TOP3A: variants seen among roughly 807,000 people sequenced by gnomAD.
TOP3A encodes the protein DNA topoisomerase 3-alpha.
TOP3A carries 64 observed loss-of-function variants against 111.3 expected under a neutral mutation model. That is an observed-to-expected ratio of 0.57 (90% CI 0.47 to 0.71). The LOEUF is 0.71. TOP3A is among the 30% of genes least tolerant of loss of function. TOP3A has a pLI of 0.00. For synonymous variants in TOP3A, 484 were observed against 485.1 expected, an observed-to-expected ratio of 1.00 and a Z score of 0.03; for missense variants, 1,104 against 1,285.0, an observed-to-expected ratio of 0.86 and a Z score of 2.15.
chr17:18,290,815 C>T (rs759352600), intron 12 of TOP3A, 27 bp downstream of exon 12: 3 of 1,609,568 alleles, frequency 1.9e-6, no homozygotes, highest in African/African-American at 1.3e-5. Flanking sequence ...ACTGTCCTCC[C>T]TCTCACTGGG....
intron 13 of TOP3A, among the ~76,000 whole-genome samples, chr17:18,289,718 A>G (rs1339643933): frequency 1.3e-5 from 2 of 152,222 alleles, no homozygotes; most frequent in Non-Finnish European, 2.9e-5. Flanking sequence ...CAAATAAATC[A>G]TGACGGGTGA....
At chr17:18,305,516 C>T (rs567703765) in intron 4 of TOP3A, among the ~76,000 whole-genome samples, 4 of 151,410 alleles carry the variant, frequency 2.6e-5, no homozygotes, top group South Asian at 4.2e-4. Flanking sequence ...ACGCACACTT[C>T]GAGAGGTTCT....
chr17:18,290,765 A>G, intron 12 of TOP3A, 77 bp downstream of exon 12: 1 of 1,586,970 alleles, frequency 6.3e-7, no homozygotes, highest in Admixed American at 1.7e-5. Context: ...TTCAAGGAAC[A>G]TGATCCTGCT....
chr17:18,306,275 C>G (rs1981574751), intron 4 of TOP3A, among the ~76,000 whole-genome samples: 1 of 152,122 alleles, frequency 6.6e-6, no homozygotes, highest in Admixed American at 6.5e-5. Flanking sequence ...TGACAACTGG[C>G]AATTTACTGT....
chr17:18,306,577 A>G (rs1041727665), intron 4 of TOP3A: 2 of 235,960 alleles, frequency 8.5e-6, no homozygotes, highest in Non-Finnish European at 1.7e-5. Context: ...TATGTTGCCC[A>G]GGCTGGTCTC....
At chr17:18,305,488 G>GCA (rs1567750608) in intron 4 of TOP3A, among the ~76,000 whole-genome samples, 1 of 141,100 alleles carries the variant, frequency 7.1e-6, no homozygotes, top group African/African-American at 2.5e-5. Context: ...ACACACACAC[G>GCA]CGCGCGCGCG....
rs1979003033 is a variant in TOP3A at position 18,271,672 on chromosome 17, G to T, written c.*3130C>A. On this transcript the variant is annotated 3_prime_UTR_variant, in exon 19 of 19. Transcript: ENST00000321105. ...CAGTTTGCTTTTGAGACACACAGTT[G>T]CCTGCAGAGATGTGAAAACCACAAA... The T allele has an allele frequency of 3.0e-6, 1 of 338,942 alleles. No individual in the cohort carries two copies. Among genetic ancestry groups the T allele is most frequent in the Non-Finnish European group, 5.6e-6 (1 of 177,516 alleles). The allele number at this position is 338,942 out of a possible 1,614,324, so 21.0% of individuals were successfully genotyped here.
intron 8 of TOP3A, among the ~76,000 whole-genome samples, chr17:18,300,263 G>A (rs1175807951): frequency 6.6e-6 from 1 of 152,086 alleles, no homozygotes; most frequent in Middle Eastern, 3.2e-3. Flanking sequence ...GCGTGGTGGT[G>A]CACGCCTGTA....
chr17:18,278,345 C>G lies in TOP3A; in HGVS notation c.2157G>C (p.Lys719Asn), dbSNP rs1325050890. ...QPHPVYRLKLKFKRGSLPPTM... is the reference protein window; with the variant it reads ...QPHPVYRLKLNFKRGSLPPTM... ...TCGGGGGAAGGCTACCGCGCTTAAA[C>G]TTTAACTTTAACCTAGTGAGGCCAG... is the stretch of plus-strand genomic sequence containing the variant. Residue 719 changes from lysine to asparagine, a missense_variant, in exon 18 of 19, where the codon AAG becomes AAC. Coordinates refer to ENST00000321105, the MANE Select transcript of TOP3A (RefSeq NM_004618.5). 3.3e-6 allele frequency: 5 copies of G among 1,512,768 alleles called. No individual in the cohort carries two copies. Among genetic ancestry groups the G allele is most frequent in the African/African-American group, 1.4e-5 (1 of 71,564 alleles). 93.7% of individuals were successfully genotyped at this position (1,512,768 alleles called of 1,614,324 possible).
intron 5 of TOP3A, among the ~76,000 whole-genome samples, chr17:18,303,245 CA>C (rs1190719345): frequency 6.6e-6 from 1 of 152,170 alleles, no homozygotes; most frequent in Non-Finnish European, 1.5e-5. Flanking sequence ...ACCAGAGACA[CA>C]ATGCACTGTG....
In TOP3A at chr17:18,274,888, T is replaced by G; in HGVS notation, c.2920A>C (p.Met974Leu). The change falls in exon 19 of 19, where the codon ATG (methionine) becomes CTG (leucine). Residue 974 changes from methionine to leucine, a missense_variant. Coordinates refer to ENST00000321105, the MANE Select transcript of TOP3A (RefSeq NM_004618.5). ...CGGGGTTTCTTTGCTGTGGACCCCATGTCTGAGGAACTGGCCCGGGGCCTT... is the reference window on the plus strand; with the variant it reads ...CGGGGTTTCTTTGCTGTGGACCCCAGGTCTGAGGAACTGGCCCGGGGCCTT... ...SKRPRASSSD[M>L]GSTAKKPRKC... 7 of 1,614,166 alleles carry G rather than the reference T, an allele frequency of 4.3e-6. No individual in the cohort carries two copies. The highest frequency in any genetic ancestry group is 5.9e-6 in the Non-Finnish European group (7 of 1,180,032).
At chr17:18,312,218 A>G (rs936905804) in intron 1 of TOP3A, 2 of 152,484 alleles carry the variant, frequency 1.3e-5, no homozygotes, top group African/African-American at 4.8e-5. Flanking sequence ...AGACAGAGCA[A>G]GGGATGAGAT....
rs1190942155 is a variant in TOP3A, at chr17:18,314,801, C to T, written c.-23G>A. 3.4e-6 allele frequency: 5 copies of T among 1,487,656 alleles called. No homozygotes were observed. The African/African-American group carries it at 5.7e-5, about 17-fold the overall frequency. 92.2% of individuals were successfully genotyped at this position (1,487,656 alleles called of 1,614,324 possible). The stretch of plus-strand genomic sequence containing the variant: ...CATCCTCAGACCTCGCGCCCGGAGC[C>T]GCTCCCCGGCTGCCGGCGCATCCTG... On this transcript the variant is annotated 5_prime_UTR_variant, in exon 1 of 19. Coordinates refer to ENST00000321105, the MANE Select transcript of TOP3A (RefSeq NM_004618.5).
intron 3 of TOP3A, 123 bp from the exon 4 acceptor site, chr17:18,307,089 T>C: frequency 1.5e-6 from 1 of 657,928 alleles, no homozygotes; most frequent in Non-Finnish European, 2.6e-6. Flanking sequence ...CCCGGTGAAT[T>C]GAAAGTAAGG....
intron 9 of TOP3A, among the ~76,000 whole-genome samples, chr17:18,296,610 T>C (rs530946659): frequency 6.6e-6 from 1 of 152,184 alleles, no homozygotes; most frequent in African/African-American, 2.4e-5. Flanking sequence ...ACAAAATGCA[T>C]AACTTCCCCC....
intron 1 of TOP3A, 117 bp downstream of exon 1, chr17:18,314,482 G>C: frequency 8.2e-7 from 1 of 1,219,478 alleles, no homozygotes; most frequent in Non-Finnish European, 1.1e-6. Context: ...ACGAGGGGCA[G>C]TGAGGCCTGA....
At chr17:18,282,565 C>A in intron 16 of TOP3A, 133 bp downstream of exon 16, 1 of 1,278,768 alleles carries the variant, frequency 7.8e-7, no homozygotes, top group Non-Finnish European at 1.1e-6. Context: ...TAGGCCAACA[C>A]CTTGCCTGCA....
At position 18,308,427 on chromosome 17, in the gene TOP3A, G is replaced by C. The variant is rs770668384; in HGVS notation, c.241-3C>G. 66 of 1,584,608 alleles carry C rather than the reference G, an allele frequency of 4.2e-5. No individual in the cohort carries two copies. Among genetic ancestry groups the C allele is most frequent in the Non-Finnish European group, 1.7e-6 (2 of 1,163,034 alleles). ...GAAGTCATTACCATGGTAACATTCT[G>C]AATGATGACAAAATTCAAAATTCAG... On this transcript the variant is annotated splice_region_variant and splice_polypyrimidine_tract_variant and intron_variant, in intron 2 of 18. Transcript: ENST00000321105.
At chr17:18,305,326 G>A (rs1358174327) in intron 4 of TOP3A, 106 bp from the exon 5 acceptor site, 11 of 905,624 alleles carry the variant, frequency 1.2e-5, no homozygotes, top group Non-Finnish European at 1.9e-5. Flanking sequence ...TGCTCTTGGA[G>A]TGTGACAACT....
Sources: allele counts gnomAD v4.1 joint callset (sites outside exome capture counted in the v4.1 genomes callset), GRCh38; gene constraint gnomAD v4.1.1; transcripts MANE v1.5; gene names NCBI Gene and HGNC (gene_info 2026-07-23, HGNC 2026-07-21).